Variants in PPP1R7 observed in about 807,000 individuals in gnomAD.
PPP1R7 encodes protein phosphatase 1 regulatory subunit 7, also known as protein phosphatase 1 regulatory subunit 22.
PPP1R7 carries 18 observed loss-of-function variants against 45.2 expected under a neutral mutation model. That is an observed-to-expected ratio of 0.40 (90% CI 0.28 to 0.59). The LOEUF is 0.59. PPP1R7 is among the 20% of genes least tolerant of loss of function. The pLI, the probability that PPP1R7 is intolerant of heterozygous loss-of-function variation, is 0.46. For missense variants in PPP1R7, 314 were observed against 455.8 expected, an observed-to-expected ratio of 0.69 and a Z score of 2.83; for synonymous variants, 181 against 183.4, an observed-to-expected ratio of 0.99 and a Z score of 0.11.
At chr2:241,168,007 T>C (rs914415273) in intron 8 of PPP1R7, among the ~76,000 whole-genome samples, 1 of 152,234 alleles carries the variant, frequency 6.6e-6, no homozygotes, top group Admixed American at 6.5e-5. Context: ...GTTCTTCGTG[T>C]CTTCTCCAGC....
At chr2:241,158,986 C>T in intron 4 of PPP1R7, 1 of 535,602 alleles carries the variant, frequency 1.9e-6, no homozygotes. Flanking sequence ...GAGCCTGCCT[C>T]CTGCCTCCCT....
At chr2:241,181,180 A>G (rs961628586) in intron 9 of PPP1R7, among the ~76,000 whole-genome samples, 1 of 152,176 alleles carries the variant, frequency 6.6e-6, no homozygotes, top group Non-Finnish European at 1.5e-5. Context: ...CCTGGGCGAC[A>G]GAGCGAGACT....
At chr2:241,173,776 T>C (rs2067859753) in intron 9 of PPP1R7, among the ~76,000 whole-genome samples, 1 of 152,262 alleles carries the variant, frequency 6.6e-6, no homozygotes, top group Non-Finnish European at 1.5e-5. Flanking sequence ...TTGCTGTGCT[T>C]GTTTGTATAA....
intron 7 of PPP1R7, among the ~76,000 whole-genome samples, chr2:241,164,639 C>T (rs774999002): frequency 3.3e-5 from 5 of 152,184 alleles, no homozygotes; most frequent in Non-Finnish European, 7.3e-5. Context: ...TGGCTCATGC[C>T]TGTAACCTCA....
Position 241,182,767 on chromosome 2 carries a change from G to A in PPP1R7, c.1027G>A (p.Val343Ile), listed in dbSNP as rs146974542. The A allele has an allele frequency of 6.4e-4, 1,026 of 1,614,154 alleles. 1 individual carries two copies. Among genetic ancestry groups the A allele is most frequent in the Non-Finnish European group, 8.1e-4 (953 of 1,180,030 alleles). The part of the protein sequence containing the change: ...LQKDPQYRRK[V>I]MLALPSVRQI... The stretch of plus-strand genomic sequence containing the variant: ...GAAGGACCCCCAGTACCGGCGGAAG[G>A]TCATGCTCGCCCTCCCCTCCGTGCG... The change falls in exon 10 of 10, where the codon GTC becomes ATC. Residue 343 changes from valine to isoleucine, a missense_variant. By Grantham distance (29) the Val-to-Ile change is conservative (BLOSUM62 3). Transcript: ENST00000234038.
In PPP1R7 at chr2:241,169,568, T is replaced by C. The variant is rs771954964; in HGVS notation, c.820-213T>C. ...CAGCGATCAGGAGAGCTCAGGGAGA[T>C]AGCTGGGCAGGCTCTGATGGAAACA... On this transcript the variant is annotated intron_variant, in intron 8 of 9. Coordinates refer to ENST00000234038, the MANE Select transcript of PPP1R7 (RefSeq NM_002712.3). 1.8e-4 allele frequency among the ~76,000 whole-genome samples: 28 copies of C among 152,008 alleles called. 1 individual carries two copies. The highest frequency in any genetic ancestry group is 3.7e-4 in the Non-Finnish European group (25 of 67,988).
At chr2:241,159,835 G>A (rs74000399) in intron 5 of PPP1R7, among the ~76,000 whole-genome samples, 7,740 of 152,164 alleles carry the variant, frequency 0.051, 677 homozygotes, top group African/African-American at 0.18. Flanking sequence ...GTTCGAGATA[G>A]CCTGGGCAAC....
intron 7 of PPP1R7, among the ~76,000 whole-genome samples, chr2:241,165,760 A>AT (rs1249811580): frequency 4.0e-5 from 6 of 149,182 alleles, no homozygotes; most frequent in African/African-American, 9.9e-5. Flanking sequence ...CGCCCGGCTA[A>AT]TTTTTTTTGT....
rs1242742119 is a variant in PPP1R7, at chr2:241,153,702, GAGA to G, written c.181+101_181+103del. ...TGGGTGTGGGTGCTGTGTCGGTCTG[GAGA>G]AGGACTGCCGTGCTCCTTAGGGGTC... On this transcript the variant is annotated intron_variant, in intron 2 of 9. Transcript: ENST00000234038. The G allele has an allele frequency of 1.6e-5, 24 of 1,482,826 alleles. No homozygotes were observed. In the African/African-American group the frequency reaches 3.0e-4, roughly 19 times the overall value. 91.9% of individuals were successfully genotyped at this position (1,482,826 alleles called of 1,614,324 possible).
At chr2:241,165,657 A>G (rs2149061081) in intron 7 of PPP1R7, among the ~76,000 whole-genome samples, 1 of 150,414 alleles carries the variant, frequency 6.6e-6, no homozygotes, top group Admixed American at 6.6e-5. Flanking sequence ...GCAATGGTGC[A>G]ATCTCGGCTC....
chr2:241,163,349 C>T lies in PPP1R7; in HGVS notation c.662C>T (p.Thr221Ile). 1.2e-6 allele frequency: 2 copies of T among 1,614,072 alleles called. No individual in the cohort carries two copies. The highest frequency in any genetic ancestry group is 2.7e-5 in the African/African-American group (2 of 75,014). ...ESLFLGKNKITKLQNLDALTN... is the reference protein window; with the variant it reads ...ESLFLGKNKIIKLQNLDALTN... ...TTGTTTTTGGGGAAAAACAAAATTA[C>T]TAAACTTCAGAACCTGGATGCGCTC... The change falls in exon 7 of 10, where the codon ACT becomes ATT. Residue 221 changes from threonine to isoleucine, a missense_variant. Thr to Ile is a moderately conservative substitution (Grantham distance 89). Transcript: ENST00000234038.
chr2:241,151,574 A>T (rs749000343), intron 1 of PPP1R7: 2 of 471,154 alleles, frequency 4.2e-6, no homozygotes, highest in East Asian at 1.4e-4. Context: ...AGTTTGACCA[A>T]ATCGTATGTG....
At chr2:241,163,969 G>A (rs1040812829) in intron 7 of PPP1R7, among the ~76,000 whole-genome samples, 1 of 151,660 alleles carries the variant, frequency 6.6e-6, no homozygotes, top group African/African-American at 2.4e-5. Context: ...CAGGAGTGCA[G>A]TGACAAGTGC....
intron 5 of PPP1R7, 102 bp downstream of exon 5, chr2:241,159,445 G>A (rs897811534): frequency 4.9e-5 from 70 of 1,441,434 alleles, no homozygotes; most frequent in Non-Finnish European, 6.5e-5. Flanking sequence ...TAGCCCTTGA[G>A]AGGCTGCCTC....
At chr2:241,162,984 G>C (rs2067628501) in intron 6 of PPP1R7, among the ~76,000 whole-genome samples, 1 of 152,176 alleles carries the variant, frequency 6.6e-6, no homozygotes, top group Non-Finnish European at 1.5e-5. Context: ...ATTTTAATGT[G>C]TCAGCTCACA....
intron 2 of PPP1R7, among the ~76,000 whole-genome samples, chr2:241,157,513 G>A (rs2067486051): frequency 1.3e-5 from 2 of 152,232 alleles, no homozygotes; most frequent in South Asian, 4.1e-4. Flanking sequence ...CCACTAACAG[G>A]TTCAAAACAC....
At chr2:241,152,207 C>CT (rs1295580375) in intron 1 of PPP1R7, among the ~76,000 whole-genome samples, 22 of 152,346 alleles carry the variant, frequency 1.4e-4, no homozygotes, top group South Asian at 4.1e-4. Flanking sequence ...CTTGCTGAGG[C>CT]ATAGGTGCTA....
rs778910965 is a variant in PPP1R7, at chr2:241,157,797, A to AT, written c.182-4dup. 1.2e-6 allele frequency: 2 copies of AT among 1,612,310 alleles called. No homozygotes were observed. Among genetic ancestry groups the AT allele is most frequent in the Non-Finnish European group, 1.7e-6 (2 of 1,178,568 alleles). On this transcript the variant is annotated splice_polypyrimidine_tract_variant and intron_variant, in intron 2 of 9. Coordinates refer to ENST00000234038, the MANE Select transcript of PPP1R7 (RefSeq NM_002712.3). ...GGTTCTGAACAAATCTCTTTTTCTT[A>AT]TTTTTTCAGAAGAACATGAGCTGCC...
chr2:241,156,399 A>G (rs912823161), intron 2 of PPP1R7, among the ~76,000 whole-genome samples: 1 of 152,264 alleles, frequency 6.6e-6, no homozygotes, highest in African/African-American at 2.4e-5. Flanking sequence ...GGCTGGGTGC[A>G]GTGGCTCGTG....
Sources: gnomAD v4.1 joint callset for allele counts (sites outside exome capture counted in the v4.1 genomes callset) on GRCh38, gnomAD v4.1.1 for gene constraint, MANE v1.5 for transcripts, NCBI Gene and HGNC (gene_info 2026-07-23, HGNC 2026-07-21) for gene names.